NNMT: variants seen among roughly 807,000 people sequenced by gnomAD.
NNMT encodes the protein nicotinamide N-methyltransferase.
Under a neutral mutation model 11.7 loss-of-function variants are expected in NNMT, and 10 were observed. The observed-to-expected ratio is 0.85, with a 90% CI of 0.53 to 1.45. The LOEUF (loss-of-function observed/expected upper bound fraction) is 1.45. Among genes scored for constraint, NNMT ranks in the 40% most tolerant of loss-of-function variants. The pLI, the probability that NNMT is intolerant of heterozygous loss-of-function variation, is 0.00. For synonymous variants in NNMT, 143 were observed against 133.8 expected (o/e 1.07, Z -0.48); for missense variants, 381 against 319.4 (o/e 1.19, Z -1.47).
At chr11:114,305,673 T>C (rs1412658461) in intron 2 of NNMT, among the ~76,000 whole-genome samples, 3 of 152,114 alleles carry the variant, frequency 2.0e-5, no homozygotes, top group Non-Finnish European at 2.9e-5. Context: ...ACAAAGGACA[T>C]GAACTCATCA....
chr11:114,265,565 G>A (rs978388824), intron 2 of NNMT, among the ~76,000 whole-genome samples: 3 of 152,042 alleles, frequency 2.0e-5, no homozygotes, highest in African/African-American at 7.3e-5. Flanking sequence ...CTGTTCCCTG[G>A]CCACGTTTGA....
Position 114,312,332 on chromosome 11 carries a change from G to T in NNMT, c.650G>T (p.Gly217Val). 1.2e-6 allele frequency: 2 copies of T among 1,614,208 alleles called. No homozygotes were observed. Among genetic ancestry groups the T allele is most frequent in the Middle Eastern group, 3.3e-4 (2 of 6,062 alleles). ...CAGAAGTTCTCCAGCCTCCCCCTGGGCCGGGAGGCAGTAGAGGCTGCTGTG... is the reference window on the plus strand; with the variant it reads ...CAGAAGTTCTCCAGCCTCCCCCTGGTCCGGGAGGCAGTAGAGGCTGCTGTG... ...GEQKFSSLPL[G>V]REAVEAAVKE... is the part of the protein sequence containing the mutation. The change falls in exon 3 of 3, where the codon GGC (glycine) becomes GTC (valine). Residue 217 changes from glycine to valine, a missense_variant. Physicochemically the swap from Gly to Val is moderately radical, Grantham distance 109. Transcript: ENST00000299964.
chr11:114,297,879 C>A (rs985709751), intron 1 of NNMT, 72 bp from the exon 2 acceptor site: 6 of 1,248,132 alleles, frequency 4.8e-6, no homozygotes, highest in African/African-American at 2.9e-5. Flanking sequence ...CCAGGGAAGA[C>A]AATGTAAATT....
chr11:114,270,724 C>A (rs903472732), intron 2 of NNMT, among the ~76,000 whole-genome samples: 2 of 152,076 alleles, frequency 1.3e-5, no homozygotes, highest in Admixed American at 1.3e-4. Context: ...ATAAGGATAG[C>A]AATCCTACTG....
intron 2 of NNMT, among the ~76,000 whole-genome samples, chr11:114,282,271 C>T (rs188768935): frequency 8.5e-4 from 130 of 152,158 alleles, no homozygotes; most frequent in African/African-American, 3.0e-3. Context: ...AATACAAAAA[C>T]AATAAAAAAA....
intron 2 of NNMT, 110 bp downstream of exon 2, chr11:114,298,268 T>C: frequency 1.1e-6 from 1 of 905,238 alleles, no homozygotes. Flanking sequence ...GAATGAGTGG[T>C]AACGAGAGAG....
At chr11:114,261,312 T>G (rs1457083289) in intron 1 of NNMT, among the ~76,000 whole-genome samples, 1 of 152,140 alleles carries the variant, frequency 6.6e-6, no homozygotes, top group Non-Finnish European at 1.5e-5. Context: ...CCGGGCGCGG[T>G]GGCTCACGCC....
chr11:114,261,225 G>A (rs1945077845), intron 1 of NNMT, among the ~76,000 whole-genome samples: 1 of 152,220 alleles, frequency 6.6e-6, no homozygotes, highest in Non-Finnish European at 1.5e-5. Flanking sequence ...AGTGGGCACT[G>A]ACTGCAGGTG....
upstream of NNMT, among the ~76,000 whole-genome samples, chr11:114,291,958 T>C (rs1236136779): frequency 2.0e-5 from 3 of 152,240 alleles, no homozygotes; most frequent in African/African-American, 7.2e-5. Context: ...GAAAATTCTC[T>C]GTCTTTATCT....
chr11:114,260,258 G>A (rs916200142), intron 1 of NNMT, among the ~76,000 whole-genome samples: 4 of 152,284 alleles, frequency 2.6e-5, no homozygotes, highest in South Asian at 2.1e-4. Flanking sequence ...GGAGATGGCC[G>A]CCCCACTTGT....
At chr11:114,282,069 AT>A (rs960463669) in intron 2 of NNMT, among the ~76,000 whole-genome samples, 14 of 152,122 alleles carry the variant, frequency 9.2e-5, no homozygotes, top group African/African-American at 3.4e-4. Context: ...TCTACTAGAA[AT>A]TAAAAACGCC....
intron 2 of NNMT, among the ~76,000 whole-genome samples, chr11:114,271,003 C>T (rs1945164890): frequency 6.6e-6 from 1 of 152,096 alleles, no homozygotes; most frequent in Non-Finnish European, 1.5e-5. Flanking sequence ...TCTTTAACTC[C>T]TAACCTCAAG....
intron 2 of NNMT, among the ~76,000 whole-genome samples, chr11:114,266,835 G>A (rs948784392): frequency 1.9e-4 from 29 of 152,212 alleles, no homozygotes; most frequent in African/African-American, 7.0e-4. Context: ...ACGGCATAAA[G>A]GCCCACACCA....
At chr11:114,280,634 T>C (rs1308382644) in intron 2 of NNMT, among the ~76,000 whole-genome samples, 1 of 152,128 alleles carries the variant, frequency 6.6e-6, no homozygotes, top group African/African-American at 2.4e-5. Context: ...TGGTCCATTC[T>C]TGGGGACAAG....
intron 2 of NNMT, among the ~76,000 whole-genome samples, chr11:114,267,330 T>C (rs993176241): frequency 3.9e-5 from 6 of 152,174 alleles, no homozygotes; most frequent in African/African-American, 4.8e-5. Flanking sequence ...CACTGTTTGA[T>C]ATGATCTTCT....
chr11:114,291,091 A>G (rs1387555217), intron 2 of NNMT, among the ~76,000 whole-genome samples: 1 of 152,232 alleles, frequency 6.6e-6, no homozygotes, highest in African/African-American at 2.4e-5. Context: ...AGACTGTTAC[A>G]ATGATTAAAT....
At chr11:114,292,033 G>A (rs937775203), upstream of NNMT, among the ~76,000 whole-genome samples, 3 of 152,060 alleles carry the variant, frequency 2.0e-5, no homozygotes, top group Non-Finnish European at 2.9e-5. Flanking sequence ...CTGACATAGA[G>A]CAGATCTTTC....
intron 1 of NNMT, among the ~76,000 whole-genome samples, chr11:114,259,706 C>G (rs114138581): frequency 0.27 from 40,850 of 151,774 alleles, 5,759 homozygotes; most frequent in East Asian, 0.47. Context: ...AAAGTGAACT[C>G]GCTCATTTAA....
chr11:114,309,613 T>A (rs568329326), intron 2 of NNMT, among the ~76,000 whole-genome samples: 8 of 152,262 alleles, frequency 5.3e-5, no homozygotes, highest in African/African-American at 1.9e-4. Context: ...ATATGACAGC[T>A]TATTGAGATA....
Sources: gnomAD v4.1 joint callset for allele counts (sites outside exome capture counted in the v4.1 genomes callset) on GRCh38, gnomAD v4.1.1 for gene constraint, MANE v1.5 for transcripts, NCBI Gene and HGNC (gene_info 2026-07-23, HGNC 2026-07-21) for gene names.